The following PCDHA4 variants were observed in gnomAD, a reference collection of about 807,000 sequenced individuals.
PCDHA4 encodes protocadherin alpha 4.
In PCDHA4, 49 loss-of-function variants were observed where a neutral mutation model predicts 61.4. The ratio of observed to expected loss-of-function variants is 0.80; its 90% CI spans 0.63 to 1.01. The LOEUF (loss-of-function observed/expected upper bound fraction) is 1.01. PCDHA4 is among the 50% of genes least tolerant of loss of function. The probability of loss-of-function intolerance (pLI) is 0.00; values close to 1 mark genes in which losing one functional copy is unlikely to be tolerated. For missense variants in PCDHA4, 1,254 were observed against 1,235.8 expected, an observed-to-expected ratio of 1.01 and a Z score of -0.22; for synonymous variants, 590 against 550.3, an observed-to-expected ratio of 1.07 and a Z score of -1.01.
rs782148992 is a variant in PCDHA4 at position 140,809,135 on chromosome 5, C to T, written c.1948C>T (p.Leu650=). ...CGCTCCGCGCCACCGCCTACTGGTA[C>T]TGGTGAAGGACCACGGCGAGCCCGC... ...TDAPRHRLLV[L]VKDHGEPALT... The change falls in exon 1 of 4, where the codon CTG becomes TTG. Residue 650 remains leucine, a synonymous_variant. Coordinates refer to ENST00000530339, the MANE Select transcript of PCDHA4 (RefSeq NM_018907.4). 24 of 1,613,884 alleles carry T rather than the reference C, an allele frequency of 1.5e-5. No homozygotes were observed. In the Middle Eastern group the frequency reaches 4.9e-4, roughly 33 times the overall value.
chr5:140,923,313 C>T (rs1428494241), intron 1 of PCDHA4, among the ~76,000 whole-genome samples: 1 of 152,074 alleles, frequency 6.6e-6, no homozygotes, highest in African/African-American at 2.4e-5. Flanking sequence ...GGGCGCTTGG[C>T]CTAGAAGTTC....
At chr5:140,953,565 C>A (rs1433649283) in intron 1 of PCDHA4, among the ~76,000 whole-genome samples, 2 of 151,370 alleles carry the variant, frequency 1.3e-5, no homozygotes, top group African/African-American at 2.5e-5. Context: ...AGTTTTAGTG[C>A]CCTCCTCTCC....
chr5:140,877,389 G>T, intron 1 of PCDHA4: 1 of 1,613,994 alleles, frequency 6.2e-7, no homozygotes, highest in Non-Finnish European at 8.5e-7. Context: ...TCCTGGATGA[G>T]GCGGACGCTC....
chr5:141,002,675 A>G (rs782045638), intron 3 of PCDHA4, among the ~76,000 whole-genome samples: 5 of 152,222 alleles, frequency 3.3e-5, no homozygotes, highest in African/African-American at 4.8e-5. Context: ...ACCAAAACCT[A>G]TACGACGTGC....
At chr5:140,882,854 C>T in intron 1 of PCDHA4, 1 of 1,614,196 alleles carries the variant, frequency 6.2e-7, no homozygotes, top group African/African-American at 1.3e-5. Context: ...ATCACTTGTA[C>T]TGAGGAAAAC....
chr5:140,900,566 G>A (rs1554189260), intron 1 of PCDHA4, among the ~76,000 whole-genome samples: 1 of 152,054 alleles, frequency 6.6e-6, no homozygotes, highest in Non-Finnish European at 1.5e-5. Flanking sequence ...CGTGAGCCAC[G>A]GCACCGGCCC....
chr5:140,987,207 C>A (rs1475441121), intron 3 of PCDHA4, among the ~76,000 whole-genome samples: 1 of 148,672 alleles, frequency 6.7e-6, no homozygotes, highest in African/African-American at 2.5e-5. Context: ...GAGTGAGACT[C>A]CATCTCAAAA....
At chr5:140,842,168 A>G (rs2150330845) in intron 1 of PCDHA4, 2 of 1,613,900 alleles carry the variant, frequency 1.2e-6, no homozygotes, top group Non-Finnish European at 1.7e-6. Context: ...TTCTTTTAAT[A>G]GCCTTGTTGA....
At chr5:140,842,020 G>A in intron 1 of PCDHA4, 1 of 1,613,768 alleles carries the variant, frequency 6.2e-7, no homozygotes, top group South Asian at 1.1e-5. Flanking sequence ...TCACAGTGCT[G>A]GATGTGAATG....
At chr5:140,809,741 A>G in intron 1 of PCDHA4, 169 bp downstream of exon 1, 1 of 686,580 alleles carries the variant, frequency 1.5e-6, no homozygotes, top group South Asian at 2.3e-5. Flanking sequence ...AGCAATATAT[A>G]TTGCCTTCCT....
At chr5:140,812,188 A>T (rs1284856498) in intron 1 of PCDHA4, 17 of 132,336 alleles carry the variant, frequency 1.3e-4, no homozygotes, top group African/African-American at 5.1e-4. Flanking sequence ...TACTGATTCA[A>T]TCTCCTTACT....
chr5:140,927,980 G>A, intron 1 of PCDHA4: 2 of 1,614,220 alleles, frequency 1.2e-6, no homozygotes, highest in Non-Finnish European at 1.7e-6. Flanking sequence ...GCTCTCTTTA[G>A]TGTAAAGGAT....
intron 1 of PCDHA4, chr5:140,969,304 C>A (rs782271875): frequency 9.3e-6 from 15 of 1,614,042 alleles, no homozygotes; most frequent in African/African-American, 1.3e-5. Flanking sequence ...TGATTATTCT[C>A]AAAAATGAGG....
chr5:140,842,994 A>G lies in PCDHA4; in HGVS notation c.2385+33422A>G, dbSNP rs1409771801. 3.8e-6 allele frequency: 6 copies of G among 1,595,048 alleles called. 1 individual carries two copies. The Admixed American group carries it at 1.0e-4, about 27-fold the overall frequency. ...ACGCTGCAGGTGTTCGTGCTGGACGAGAATGACAACGCGCCGGCACTGCTG... is the reference window on the plus strand; with the variant it reads ...ACGCTGCAGGTGTTCGTGCTGGACGGGAATGACAACGCGCCGGCACTGCTG... On this transcript the variant is annotated intron_variant, in intron 1 of 3. Coordinates refer to ENST00000530339, the MANE Select transcript of PCDHA4 (RefSeq NM_018907.4).
intron 1 of PCDHA4, among the ~76,000 whole-genome samples, chr5:140,941,215 C>CTTT (rs782548958): frequency 2.3e-4 from 24 of 104,510 alleles, no homozygotes; most frequent in African/African-American, 3.3e-4. Context: ...TTCTTTCTTC[C>CTTT]TTTCTTTCTT....
chr5:141,011,852 A>T lies in PCDHA4; in HGVS notation c.*1915A>T, dbSNP rs1288551420. 1 of 153,718 alleles carries T rather than the reference A, an allele frequency of 6.5e-6. No individual in the cohort carries two copies. The highest frequency in any genetic ancestry group is 1.5e-5 in the Non-Finnish European group (1 of 68,038). 9.5% of individuals were successfully genotyped at this position (153,718 alleles called of 1,614,324 possible). A position where few individuals can be genotyped will look rare whatever the true frequency, so the allele number is the denominator to read the frequency against. ...CTGTCACCTTAAATAAGACATTTTA[A>T]TTTTGTTATAATGTACAATTTAGAA... On this transcript the variant is annotated 3_prime_UTR_variant, in exon 4 of 4. Transcript: ENST00000530339.
intron 1 of PCDHA4, among the ~76,000 whole-genome samples, chr5:140,905,373 G>A (rs556428182): frequency 6.6e-6 from 1 of 152,118 alleles, no homozygotes; most frequent in East Asian, 1.9e-4. Context: ...CTGGTTCTCT[G>A]TTCTGTTTCA....
intron 1 of PCDHA4, among the ~76,000 whole-genome samples, chr5:140,948,536 C>T (rs2094269261): frequency 6.6e-6 from 1 of 151,548 alleles, no homozygotes; most frequent in Admixed American, 6.6e-5. Context: ...TATTTTATTT[C>T]ATGCTCTGTC....
intron 1 of PCDHA4, chr5:140,836,529 C>T (rs2150262984): frequency 6.2e-7 from 1 of 1,613,824 alleles, no homozygotes; most frequent in Admixed American, 1.7e-5. Flanking sequence ...GCTTACCCTG[C>T]TGCTGTACAC....
Sources: allele counts gnomAD v4.1 joint callset (sites outside exome capture counted in the v4.1 genomes callset), GRCh38; gene constraint gnomAD v4.1.1; transcripts MANE v1.5; gene names NCBI Gene and HGNC (gene_info 2026-07-23, HGNC 2026-07-21).